SEPTIN9: variants seen among roughly 807,000 people sequenced by gnomAD.
The protein encoded by SEPTIN9 is septin-9.
In SEPTIN9, 13 loss-of-function variants were observed where a neutral mutation model predicts 56.6. The observed-to-expected ratio is 0.23, with a 90% CI of 0.15 to 0.37. The LOEUF (loss-of-function observed/expected upper bound fraction) is 0.37. SEPTIN9 is among the 10% of genes least tolerant of loss of function. The pLI, the probability that SEPTIN9 is intolerant of heterozygous loss-of-function variation, is 1.00. For missense variants in SEPTIN9, 650 were observed against 823.1 expected, an observed-to-expected ratio of 0.79 and a Z score of 2.57; for synonymous variants, 332 against 334.1, an observed-to-expected ratio of 0.99 and a Z score of 0.07.
Position 77,450,463 on chromosome 17 carries a change from G to A in SEPTIN9, c.722-31681G>A, listed in dbSNP as rs555471532. 233 of 985,248 alleles carry A rather than the reference G, an allele frequency of 2.4e-4. No individual in the cohort carries two copies. The highest frequency in any genetic ancestry group is 9.9e-4 in the South Asian group (21 of 21,288). 61.0% of individuals were successfully genotyped at this position (985,248 alleles called of 1,614,324 possible). ...CCCTCCCAGCCCCCAGCAAGCCCTCGGAACGAGCCCACTCCCAGGCGCTCT... is the reference window on the plus strand; with the variant it reads ...CCCTCCCAGCCCCCAGCAAGCCCTCAGAACGAGCCCACTCCCAGGCGCTCT... On this transcript the variant is annotated intron_variant, in intron 3 of 11. Coordinates refer to ENST00000427177, the MANE Select transcript of SEPTIN9 (RefSeq NM_001113491.2). This position sits in a 1 kb window ranked among gnomAD's most constrained non-coding sequence, Gnocchi z 6.0.
Position 77,481,186 on chromosome 17 carries a change from C to T in SEPTIN9, c.722-958C>T, listed in dbSNP as rs542706106. On this transcript the variant is annotated intron_variant, in intron 3 of 11. Transcript: ENST00000427177. ...CGCCCCCAGCCCCAGGCCTCTGACCCGTGTGTGGTGTCTTAACAGCAGCCA... is the reference window on the plus strand; with the variant it reads ...CGCCCCCAGCCCCAGGCCTCTGACCTGTGTGTGGTGTCTTAACAGCAGCCA... Among the ~76,000 whole-genome samples the T allele has an allele frequency of 5.9e-5, 9 of 152,314 alleles. No homozygotes were observed. In the East Asian group the frequency reaches 7.7e-4, roughly 13 times the overall value.
chr17:77,414,572 CTTTTTTTTT>C (rs559525322), intron 3 of SEPTIN9, among the ~76,000 whole-genome samples: 5,181 of 123,810 alleles, frequency 0.042, 296 homozygotes, highest in African/African-American at 0.13. Flanking sequence ...TGTGTGGATT[CTTTTTTTTT>C]TTTTTTTTTT....
chr17:77,397,753 G>T (rs2035768562), intron 2 of SEPTIN9, among the ~76,000 whole-genome samples: 1 of 152,132 alleles, frequency 6.6e-6, no homozygotes, highest in African/African-American at 2.4e-5. Flanking sequence ...GAATTTAAGT[G>T]ATTCTTCTGC....
rs2039632698 is a variant in SEPTIN9, at chr17:77,484,740, T to TGATGTG, written c.913+2406_913+2407insATGTGG. 1.6e-4 allele frequency among the ~76,000 whole-genome samples: 10 copies of TGATGTG among 63,452 alleles called. 1 individual carries two copies. Among genetic ancestry groups the TGATGTG allele is most frequent in the African/African-American group, 6.5e-4 (6 of 9,240 alleles). 41.6% of individuals were successfully genotyped at this position (63,452 alleles called of 152,430 possible). A position where few individuals can be genotyped will look rare whatever the true frequency, so the allele number is the denominator to read the frequency against. ...GTGGTGGTGGTGATTGTGATGGTGG[T>TGATGTG]GGTGGTGGTTGTGATGGTGGTGATG... On this transcript the variant is annotated intron_variant, in intron 4 of 11. Coordinates refer to ENST00000427177, the MANE Select transcript of SEPTIN9 (RefSeq NM_001113491.2).
In SEPTIN9 at chr17:77,476,997, A is replaced by G. The variant is rs930080611; in HGVS notation, c.722-5147A>G. Among the ~76,000 whole-genome samples, 3 of 152,202 alleles carry G rather than the reference A, an allele frequency of 2.0e-5. No homozygotes were observed. The highest frequency in any genetic ancestry group is 2.0e-4 in the Admixed American group (3 of 15,280). On this transcript the variant is annotated intron_variant, in intron 3 of 11. Coordinates refer to ENST00000427177, the MANE Select transcript of SEPTIN9 (RefSeq NM_001113491.2). This position sits in a 1 kb window ranked among gnomAD's most constrained non-coding sequence, Gnocchi z 6.0. The stretch of plus-strand genomic sequence containing the variant: ...TTTGTTACATAGGAATACAAGTGCC[A>G]TAGTGGTTTGCTGCACCCATTGGAC...
chr17:77,478,549 G>A (rs1354115426), intron 3 of SEPTIN9, among the ~76,000 whole-genome samples: 1 of 152,236 alleles, frequency 6.6e-6, no homozygotes, highest in Admixed American at 6.5e-5. Flanking sequence ...GCTCACGCCT[G>A]TAATCTCAGC....
rs989136656 is a variant in SEPTIN9, at chr17:77,434,961, T to G, written c.721+32258T>G. Among the ~76,000 whole-genome samples, 1 of 152,160 alleles carries G rather than the reference T, an allele frequency of 6.6e-6. No individual in the cohort carries two copies. ...TCTGCCGACATCAGGCTGCCGGTGC[T>G]GGACGGGGCCCTGGCAACCGTGGCA... On this transcript the variant is annotated intron_variant, in intron 3 of 11. Transcript: ENST00000427177. This position sits in a 1 kb window ranked among gnomAD's most constrained non-coding sequence, Gnocchi z 5.0.
At chr17:77,348,294 G>GTTTTTTTTTTTTTT (rs367934946) in intron 2 of SEPTIN9, among the ~76,000 whole-genome samples, 1 of 89,754 alleles carries the variant, frequency 1.1e-5, no homozygotes, top group African/African-American at 4.5e-5. Context: ...TTTAATTTAT[G>GTTTTTTTTTTTTTT]TTTTTTTTTT....
chr17:77,475,514 C>G lies in SEPTIN9; in HGVS notation c.722-6630C>G. The G allele has an allele frequency of 6.2e-7, 1 of 1,610,044 alleles. No homozygotes were observed. Among genetic ancestry groups the G allele is most frequent in the African/African-American group, 1.3e-5 (1 of 74,880 alleles). Reference sequence around the variant, plus strand: ...CTGTTAGTTTATAGGACCTGAAGTGCCCCCATGGGCTCAAGTTTCTGGGAA... The same window carrying G: ...CTGTTAGTTTATAGGACCTGAAGTGGCCCCATGGGCTCAAGTTTCTGGGAA... On this transcript the variant is annotated intron_variant, in intron 3 of 11. Coordinates refer to ENST00000427177, the MANE Select transcript of SEPTIN9 (RefSeq NM_001113491.2). This position sits in a 1 kb window ranked among gnomAD's most constrained non-coding sequence, Gnocchi z 4.6.
rs1004186797 is a variant in SEPTIN9 at position 77,425,132 on chromosome 17, G to A, written c.721+22429G>A. On this transcript the variant is annotated intron_variant, in intron 3 of 11. Coordinates refer to ENST00000427177, the MANE Select transcript of SEPTIN9 (RefSeq NM_001113491.2). This position sits in a 1 kb window ranked among gnomAD's most constrained non-coding sequence, Gnocchi z 4.2. ...CCCCCGGGGCTGTTCCTGGCGCCCTGCCCTCCCCCAGAGCCCCACTGACCT... is the reference window on the plus strand; with the variant it reads ...CCCCCGGGGCTGTTCCTGGCGCCCTACCCTCCCCCAGAGCCCCACTGACCT... 8.5e-5 allele frequency among the ~76,000 whole-genome samples: 13 copies of A among 152,278 alleles called. No individual in the cohort carries two copies. Among genetic ancestry groups the A allele is most frequent in the African/African-American group, 3.1e-4 (13 of 41,542 alleles).
rs961369072 is a variant in SEPTIN9, at chr17:77,373,260, ACCTGAT to A, written c.77-28796_77-28791del. On this transcript the variant is annotated intron_variant, in intron 2 of 11. Transcript: ENST00000427177. ...CAGGGAGGCCGGTGCGGGTGCGGGA[ACCTGAT>A]CCGCCCGGGAGGCGGGGGCGGGGCG... is the stretch of plus-strand genomic sequence containing the variant. 1.7e-3 allele frequency: 1,949 copies of A among 1,126,764 alleles called. 3 individuals are homozygous for A. The highest frequency in any genetic ancestry group is 1.9e-3 in the Non-Finnish European group (1,797 of 922,600). The allele number at this position is 1,126,764 out of a possible 1,614,324, so 69.8% of individuals were successfully genotyped here. A position where few individuals can be genotyped will look rare whatever the true frequency, so the allele number is the denominator to read the frequency against.
At position 77,492,610 on chromosome 17, in the gene SEPTIN9, C is replaced by G; in HGVS notation, c.1381-11C>G. The G allele has an allele frequency of 6.2e-7, 1 of 1,613,492 alleles. No individual in the cohort carries two copies. The highest frequency in any genetic ancestry group is 8.5e-7 in the Non-Finnish European group (1 of 1,179,488). ...CAGGGATGGGCCCATCTCTCTCCCT[C>G]CTTATCCCAGATCACCGCAGACCTG... On this transcript the variant is annotated splice_polypyrimidine_tract_variant and intron_variant, in intron 8 of 11. Coordinates refer to ENST00000427177, the MANE Select transcript of SEPTIN9 (RefSeq NM_001113491.2). This position sits in a 1 kb window ranked among gnomAD's most constrained non-coding sequence, Gnocchi z 5.4.
At chr17:77,484,849 G>A (rs2039648519) in intron 4 of SEPTIN9, among the ~76,000 whole-genome samples, 1 of 145,748 alleles carries the variant, frequency 6.9e-6, no homozygotes, top group African/African-American at 2.6e-5. Context: ...TTGTGATGGT[G>A]GTGATGTGGG....
intron 2 of SEPTIN9, among the ~76,000 whole-genome samples, chr17:77,344,394 C>T (rs995415479): frequency 1.4e-4 from 21 of 152,158 alleles, no homozygotes; most frequent in African/African-American, 4.3e-4. Flanking sequence ...ATTGGAGCCC[C>T]GTGCACTGCT....
intron 2 of SEPTIN9, among the ~76,000 whole-genome samples, chr17:77,360,754 C>T (rs1321867602): frequency 2.6e-5 from 4 of 151,778 alleles, no homozygotes; most frequent in African/African-American, 9.7e-5. Context: ...TTAGTAGAGA[C>T]GGGGTTTCAC....
intron 1 of SEPTIN9, among the ~76,000 whole-genome samples, chr17:77,297,590 A>G (rs2031874095): frequency 6.6e-6 from 1 of 152,220 alleles, no homozygotes; most frequent in Admixed American, 6.5e-5. Flanking sequence ...AAAGAAGTTG[A>G]AGATGAACTG....
At position 77,451,224 on chromosome 17, in the gene SEPTIN9, A is replaced by G; in HGVS notation, c.722-30920A>G. On this transcript the variant is annotated intron_variant, in intron 3 of 11. Coordinates refer to ENST00000427177, the MANE Select transcript of SEPTIN9 (RefSeq NM_001113491.2). This position sits in a 1 kb window ranked among gnomAD's most constrained non-coding sequence, Gnocchi z 4.2. ...CTGTCACTTTCCTTTAGCGTGTGGCAGCTCCTTGGCGTCCCTCCCGTGCCT... is the reference window on the plus strand; with the variant it reads ...CTGTCACTTTCCTTTAGCGTGTGGCGGCTCCTTGGCGTCCCTCCCGTGCCT... 2 of 229,576 alleles carry G rather than the reference A, an allele frequency of 8.7e-6. No individual in the cohort carries two copies. Among genetic ancestry groups the G allele is most frequent in the Non-Finnish European group, 1.4e-5 (2 of 138,878 alleles). The allele number at this position is 229,576 out of a possible 1,614,324, so 14.2% of individuals were successfully genotyped here.
At position 77,498,580 on chromosome 17, in the gene SEPTIN9, T is replaced by G. The variant is rs1489270034; in HGVS notation, c.1683T>G (p.Arg561=). 6.3e-7 allele frequency: 1 copy of G among 1,592,916 alleles called. No individual in the cohort carries two copies. Among genetic ancestry groups the G allele is most frequent in the Non-Finnish European group, 8.5e-7 (1 of 1,170,892 alleles). Residue 561 remains arginine (R), a synonymous_variant, in exon 12 of 12, where the codon CGT becomes CGG. Coordinates refer to ENST00000427177, the MANE Select transcript of SEPTIN9 (RefSeq NM_001113491.2). The part of the protein sequence containing the change: ...ITSSIHFEAY[R]VKRLNEGSSA... The stretch of plus-strand genomic sequence containing the variant: ...GCAGCATCCACTTCGAGGCGTACCG[T>G]GTGAAGCGCCTCAACGAGGGCAGCA...
intron 2 of SEPTIN9, among the ~76,000 whole-genome samples, chr17:77,342,122 C>T (rs1347993070): frequency 6.6e-6 from 1 of 151,704 alleles, no homozygotes; most frequent in East Asian, 1.9e-4. Flanking sequence ...GATCACAGAT[C>T]ACCATAGCAG....
Sources: gnomAD v4.1 joint callset for allele counts (sites outside exome capture counted in the v4.1 genomes callset) on GRCh38, gnomAD v4.1.1 for gene constraint, Gnocchi (gnomAD v3.1) non-coding constraint, MANE v1.5 for transcripts, NCBI Gene and HGNC (gene_info 2026-07-23, HGNC 2026-07-21) for gene names.